The following C1QTNF3 variants were observed in gnomAD, a reference collection of about 807,000 sequenced individuals.
C1QTNF3 encodes C1q and TNF related 3, also known as complement C1q tumor necrosis factor-related protein 3.
In C1QTNF3, 26 loss-of-function variants were observed where a neutral mutation model predicts 32.6. The observed-to-expected ratio is 0.80, with a 90% CI of 0.58 to 1.11. The LOEUF (loss-of-function observed/expected upper bound fraction) is 1.11, where lower values mean the gene tolerates loss of function less well. Among genes scored for constraint, C1QTNF3 ranks in the 50% least tolerant of loss-of-function variants. C1QTNF3 has a pLI of 0.00. For missense variants in C1QTNF3, 362 were observed against 398.2 expected, an observed-to-expected ratio of 0.91 and a Z score of 0.77; for synonymous variants, 155 against 146.0, an observed-to-expected ratio of 1.06 and a Z score of -0.44.
the C1QTNF3 span, among the ~76,000 whole-genome samples, chr5:34,114,301 ATAAG>A: frequency 2.6e-5 from 4 of 152,210 alleles, no homozygotes; most frequent in Non-Finnish European, 4.4e-5. Flanking sequence ...CTAAAGTCAA[ATAAG>A]TAGCCTCAAG....
intron 4 of C1QTNF3, among the ~76,000 whole-genome samples, chr5:34,027,754 A>AG (rs1314545968): frequency 6.6e-6 from 1 of 151,066 alleles, no homozygotes; most frequent in Non-Finnish European, 1.5e-5. Flanking sequence ...AAAAAAAAAA[A>AG]AGCAAACTGG....
chr5:34,174,308 C>T, the C1QTNF3 span, among the ~76,000 whole-genome samples: 2 of 152,178 alleles, frequency 1.3e-5, no homozygotes, highest in South Asian at 2.1e-4. Flanking sequence ...CCGCCCACCT[C>T]GGCCTCCCAA....
chr5:34,140,455 T>A, the C1QTNF3 span, among the ~76,000 whole-genome samples: 1 of 152,216 alleles, frequency 6.6e-6, no homozygotes, highest in Non-Finnish European at 1.5e-5. Flanking sequence ...ATTCCAAAGT[T>A]ATTAACACTG....
the C1QTNF3 span, among the ~76,000 whole-genome samples, chr5:34,082,883 CAT>C: frequency 2.0e-5 from 3 of 151,670 alleles, no homozygotes; most frequent in African/African-American, 7.3e-5. Flanking sequence ...TACATATGTA[CAT>C]ATGTTTCATA....
At chr5:34,240,434 C>T in the C1QTNF3 span, among the ~76,000 whole-genome samples, 4 of 150,256 alleles carry the variant, frequency 2.7e-5, no homozygotes, top group South Asian at 2.1e-4. Flanking sequence ...ATGACAAAAA[C>T]GACATTAAAA....
At chr5:34,148,227 T>G in the C1QTNF3 span, among the ~76,000 whole-genome samples, 1 of 146,032 alleles carries the variant, frequency 6.8e-6, no homozygotes, top group East Asian at 2.1e-4. Context: ...TCTCGCTGAT[T>G]GCTAGCACAG....
chr5:34,225,908 A>C, the C1QTNF3 span, among the ~76,000 whole-genome samples: 2 of 146,422 alleles, frequency 1.4e-5, no homozygotes, highest in African/African-American at 4.9e-5. Flanking sequence ...AATATTTAAA[A>C]TTTTATTTGA....
At chr5:34,165,168 T>G in the C1QTNF3 span, 1 of 152,160 alleles carries the variant, frequency 6.6e-6, no homozygotes, top group Admixed American at 6.5e-5. Flanking sequence ...AAAGTGGCTG[T>G]CTGAGTTCTC....
the C1QTNF3 span, among the ~76,000 whole-genome samples, chr5:34,142,290 A>C: frequency 6.6e-6 from 1 of 152,014 alleles, no homozygotes; most frequent in Non-Finnish European, 1.5e-5. Context: ...AAATTAGCTG[A>C]GCATAGTGGT....
chr5:34,236,519 T>C, the C1QTNF3 span, among the ~76,000 whole-genome samples: 2 of 151,428 alleles, frequency 1.3e-5, no homozygotes, highest in African/African-American at 4.8e-5. Context: ...TGCCACTTTG[T>C]GAATATGTTT....
the C1QTNF3 span, among the ~76,000 whole-genome samples, chr5:34,237,893 C>T: frequency 6.6e-6 from 1 of 152,106 alleles, no homozygotes; most frequent in East Asian, 1.9e-4. Flanking sequence ...ATCTCTCCCA[C>T]CCCCACTATA....
At chr5:34,131,702 T>C in the C1QTNF3 span, among the ~76,000 whole-genome samples, 10 of 152,202 alleles carry the variant, frequency 6.6e-5, no homozygotes, top group South Asian at 2.1e-4. Context: ...TAAGTTCTAG[T>C]GTTCTATAGC....
At chr5:34,159,378 A>G in the C1QTNF3 span, among the ~76,000 whole-genome samples, 2 of 152,050 alleles carry the variant, frequency 1.3e-5, no homozygotes, top group Non-Finnish European at 2.9e-5. Flanking sequence ...TTTTTTACCA[A>G]ATTATACAAA....
chr5:34,069,940 G>T, the C1QTNF3 span, among the ~76,000 whole-genome samples: 9 of 152,110 alleles, frequency 5.9e-5, no homozygotes, highest in Non-Finnish European at 1.2e-4. Context: ...AGTGTATAAG[G>T]TGATCAAGTA....
At chr5:34,132,435 G>GTGTATATATA in the C1QTNF3 span, among the ~76,000 whole-genome samples, 34 of 137,722 alleles carry the variant, frequency 2.5e-4, no homozygotes, top group African/African-American at 8.4e-4. Context: ...GTATGTGTAT[G>GTGTATATATA]TATATATATA....
the C1QTNF3 span, among the ~76,000 whole-genome samples, chr5:34,080,965 G>A: frequency 6.6e-6 from 1 of 151,640 alleles, no homozygotes; most frequent in Non-Finnish European, 1.5e-5. Flanking sequence ...AATACGCTGA[G>A]TGAATGAAAC....
the C1QTNF3 span, among the ~76,000 whole-genome samples, chr5:34,195,582 C>T: frequency 1.3e-5 from 2 of 152,256 alleles, no homozygotes; most frequent in African/African-American, 2.4e-5. Flanking sequence ...TGGCTCATGC[C>T]TGTAATCCCA....
chr5:34,075,287 A>G, the C1QTNF3 span, among the ~76,000 whole-genome samples: 2 of 151,706 alleles, frequency 1.3e-5, no homozygotes, highest in South Asian at 4.1e-4. Context: ...TATCTAGTCT[A>G]CCATCAAAAC....
the C1QTNF3 span, among the ~76,000 whole-genome samples, chr5:34,063,885 T>C: frequency 3.3e-5 from 5 of 152,116 alleles, no homozygotes; most frequent in Non-Finnish European, 7.4e-5. Flanking sequence ...AAAGTCATGG[T>C]CAGGACCCAG....
Sources: allele counts gnomAD v4.1 joint callset (sites outside exome capture counted in the v4.1 genomes callset), GRCh38; gene constraint gnomAD v4.1.1; transcripts MANE v1.5; gene names NCBI Gene and HGNC (gene_info 2026-07-23, HGNC 2026-07-21).